The following WBP1L variants were observed in gnomAD, a reference collection of about 807,000 sequenced individuals.
The protein encoded by WBP1L is WW domain binding protein 1-like.
Under a neutral mutation model 33.7 loss-of-function variants are expected in WBP1L, and 17 were observed. The ratio of observed to expected loss-of-function variants is 0.50; its 90% CI spans 0.34 to 0.76. The LOEUF (loss-of-function observed/expected upper bound fraction) is 0.76. Among genes scored for constraint, WBP1L ranks in the 30% least tolerant of loss-of-function variants. The pLI is 0.01. For missense variants in WBP1L, 389 were observed against 469.4 expected, an observed-to-expected ratio of 0.83 and a Z score of 1.58; for synonymous variants, 173 against 190.8, an observed-to-expected ratio of 0.91 and a Z score of 0.77.
intron 1 of WBP1L, among the ~76,000 whole-genome samples, chr10:102,749,036 C>T (rs531044660): frequency 4.6e-5 from 7 of 151,872 alleles, no homozygotes; most frequent in East Asian, 1.9e-4. Flanking sequence ...GGGGGAGGCT[C>T]GAAAGAGAGG....
At chr10:102,797,823 A>G (rs1441045226) in intron 1 of WBP1L, among the ~76,000 whole-genome samples, 170 bp from the exon 2 acceptor site, 2 of 152,122 alleles carry the variant, frequency 1.3e-5, no homozygotes, top group Non-Finnish European at 2.9e-5. Flanking sequence ...AGTGCTGGCA[A>G]TACAGGTGTG....
In WBP1L at chr10:102,744,124, C is replaced by T; in HGVS notation, c.71C>T (p.Ala24Val). The T allele has an allele frequency of 6.4e-7, 1 of 1,552,134 alleles. No individual in the cohort carries two copies. ...LLQALPSPLS[A>V]RAEPPQDKEA... ...CAGGCGCTGCCCAGCCCCTTGTCAG[C>T]CAGGGCTGAACCCCCGCAGGTAAGG... The change falls in exon 1 of 4, where the codon GCC becomes GTC. Residue 24 changes from alanine (A) to valine (V), a missense_variant. Physicochemically the swap from Ala to Val is moderately conservative, Grantham distance 64. Transcript: ENST00000448841.
chr10:102,801,599 T>A (rs2482507), intron 2 of WBP1L, among the ~76,000 whole-genome samples: 1 of 151,946 alleles, frequency 6.6e-6, no homozygotes. Context: ...GTTCTCATCC[T>A]GGGGCTCTCT....
At chr10:102,783,354 C>CT (rs1554875585) in intron 1 of WBP1L, among the ~76,000 whole-genome samples, 1 of 152,102 alleles carries the variant, frequency 6.6e-6, no homozygotes, top group Non-Finnish European at 1.5e-5. Context: ...CATGCTGCTG[C>CT]TTGTACCATG....
At chr10:102,791,084 T>G (rs917522764) in intron 1 of WBP1L, among the ~76,000 whole-genome samples, 14 of 152,170 alleles carry the variant, frequency 9.2e-5, no homozygotes, top group Non-Finnish European at 2.9e-5. Flanking sequence ...TCTAATCTGT[T>G]CTCCCCCTCT....
intron 1 of WBP1L, among the ~76,000 whole-genome samples, chr10:102,797,091 A>C (rs1323629213): frequency 6.6e-6 from 1 of 152,206 alleles, no homozygotes; most frequent in Non-Finnish European, 1.5e-5. Flanking sequence ...TTGAAATTAG[A>C]CTGGGTTATC....
intron 1 of WBP1L, among the ~76,000 whole-genome samples, chr10:102,760,337 C>G (rs1002046912): frequency 1.3e-5 from 2 of 150,816 alleles, no homozygotes; most frequent in Non-Finnish European, 2.9e-5. Flanking sequence ...CACTTAACCT[C>G]TCTGAGCCTT....
chr10:102,784,421 C>CTTTT (rs35898015), intron 1 of WBP1L, among the ~76,000 whole-genome samples: 46 of 97,814 alleles, frequency 4.7e-4, no homozygotes, highest in African/African-American at 7.5e-4. Context: ...GTTCTTGTTT[C>CTTTT]TTTTTTTTTT....
intron 1 of WBP1L, among the ~76,000 whole-genome samples, chr10:102,771,801 C>G (rs979027455): frequency 8.0e-6 from 1 of 125,486 alleles, no homozygotes; most frequent in Non-Finnish European, 1.6e-5. Flanking sequence ...GAGTGAGACT[C>G]TGTCTCAAGA....
At chr10:102,784,908 G>A (rs1388579076) in intron 1 of WBP1L, among the ~76,000 whole-genome samples, 2 of 142,160 alleles carry the variant, frequency 1.4e-5, no homozygotes, top group Non-Finnish European at 3.0e-5. Context: ...ACAGAGTCTT[G>A]CTCTGTTACC....
chr10:102,800,060 G>C (rs1424630975), intron 2 of WBP1L, among the ~76,000 whole-genome samples: 1 of 152,138 alleles, frequency 6.6e-6, no homozygotes, highest in Admixed American at 6.6e-5. Context: ...AGTGAAGGAG[G>C]GCACAGTCAT....
intron 1 of WBP1L, among the ~76,000 whole-genome samples, chr10:102,781,890 T>A (rs1441099107): frequency 1.1e-4 from 15 of 134,032 alleles, no homozygotes; most frequent in Admixed American, 7.4e-5. Context: ...GGGGGAGGGA[T>A]GGAGTCTCGC....
intron 1 of WBP1L, among the ~76,000 whole-genome samples, chr10:102,752,576 C>T (rs1402841167): frequency 6.6e-6 from 1 of 152,124 alleles, no homozygotes; most frequent in Non-Finnish European, 1.5e-5. Flanking sequence ...TTGATCTGCT[C>T]TGTGGTTTTA....
intron 1 of WBP1L, among the ~76,000 whole-genome samples, chr10:102,764,877 A>T (rs775036338): frequency 2.0e-5 from 3 of 152,208 alleles, no homozygotes; most frequent in Non-Finnish European, 4.4e-5. Flanking sequence ...TATGCAAAAG[A>T]GACAACTTCC....
At chr10:102,754,731 G>A (rs1249525921) in intron 1 of WBP1L, among the ~76,000 whole-genome samples, 1 of 151,852 alleles carries the variant, frequency 6.6e-6, no homozygotes, top group Non-Finnish European at 1.5e-5. Context: ...TAGCGTCAGG[G>A]TCTCGCTATG....
intron 1 of WBP1L, among the ~76,000 whole-genome samples, chr10:102,754,860 G>A (rs1223490193): frequency 1.3e-5 from 2 of 150,992 alleles, no homozygotes; most frequent in Non-Finnish European, 2.9e-5. Context: ...ACACACTACA[G>A]TGTCCAGCTA....
intron 2 of WBP1L, among the ~76,000 whole-genome samples, chr10:102,806,160 C>A (rs778653824): frequency 1.3e-5 from 2 of 151,750 alleles, no homozygotes; most frequent in Non-Finnish European, 2.9e-5. Context: ...TTGCAGTGAG[C>A]TGAGTTCCCT....
rs1412590692 is a variant in WBP1L at position 102,813,156 on chromosome 10, A to G, written c.917A>G (p.Asp306Gly). 3 of 1,613,888 alleles carry G rather than the reference A, an allele frequency of 1.9e-6. No individual in the cohort carries two copies. In the African/African-American group the frequency reaches 4.0e-5, roughly 22 times the overall value. Residue 306 changes from aspartate to glycine, a missense_variant, in exon 4 of 4, where the codon GAC becomes GGC. Physicochemically the swap from Asp to Gly is moderately conservative, Grantham distance 94. Transcript: ENST00000448841. ...DALDGPLDFC[D>G]SCHVRPPGDE... ...CTGGATGGGCCCCTGGACTTCTGCG[A>G]CAGCTGCCATGTGCGGCCCCCTGGT...
intron 1 of WBP1L, among the ~76,000 whole-genome samples, chr10:102,749,757 TG>T (rs1184717083): frequency 1.3e-5 from 2 of 152,048 alleles, no homozygotes; most frequent in African/African-American, 2.4e-5. Context: ...CCACTGTTCC[TG>T]GCCCTCCATA....
Sources: gnomAD v4.1 joint callset for allele counts (sites outside exome capture counted in the v4.1 genomes callset) on GRCh38, gnomAD v4.1.1 for gene constraint, MANE v1.5 for transcripts, NCBI Gene and HGNC (gene_info 2026-07-23, HGNC 2026-07-21) for gene names.